The following C19orf47 variants were observed in gnomAD, a reference collection of about 807,000 sequenced individuals.
The protein encoded by C19orf47 is chromosome 19 open reading frame 47.
Under a neutral mutation model 32.3 loss-of-function variants are expected in C19orf47, and 18 were observed. That is an observed-to-expected ratio of 0.56 (90% confidence interval 0.39 to 0.83). The LOEUF is 0.83. C19orf47 is among the 40% of genes least tolerant of loss of function. C19orf47 has a pLI of 0.00. For synonymous variants in C19orf47, 202 were observed against 211.1 expected (o/e 0.96, Z 0.37); for missense variants, 484 against 531.6 (o/e 0.91, Z 0.88).
intron 5 of C19orf47, among the ~76,000 whole-genome samples, chr19:40,329,930 A>G (rs2077914291): frequency 6.6e-6 from 1 of 152,220 alleles, no homozygotes; most frequent in Non-Finnish European, 1.5e-5. Context: ...GGAAATCTGC[A>G]GCTGAAAAGA....
chr19:40,303,517 CA>C, the C19orf47 span, among the ~76,000 whole-genome samples: 1,955 of 97,914 alleles, frequency 0.02, 55 homozygotes, highest in African/African-American at 0.068. Flanking sequence ...GCGAGACTCT[CA>C]AAAAAAAAAA....
At chr19:40,333,747 T>C in intron 5 of C19orf47, 104 bp downstream of exon 5, 1 of 951,478 alleles carries the variant, frequency 1.1e-6, no homozygotes, top group Non-Finnish European at 1.5e-6. Flanking sequence ...TGGCTTTGTT[T>C]CTACCTTTGA....
chr19:40,296,191 A>G, the C19orf47 span, among the ~76,000 whole-genome samples: 1 of 152,236 alleles, frequency 6.6e-6, no homozygotes, highest in Non-Finnish European at 1.5e-5. Flanking sequence ...CTATATACCT[A>G]GGCTATAAGT....
In C19orf47 at chr19:40,324,018, C is replaced by A; in HGVS notation, c.651G>T (p.Thr217=). ...CATCCCCACTCACTTTACTCCCTGT[C>A]GTGGTGTCTGCCTTGGTCTCGGCGC... is the stretch of plus-strand genomic sequence containing the variant. The part of the protein sequence containing the change: ...RLGAETKADT[T]TGSKPTGVFS... The change falls in exon 8 of 9, where the codon ACG becomes ACT. Residue 217 remains threonine, a synonymous_variant. Transcript: ENST00000683109. 6.2e-7 allele frequency: 1 copy of A among 1,614,248 alleles called. No individual in the cohort carries two copies. The highest frequency in any genetic ancestry group is 1.1e-5 in the South Asian group (1 of 91,090).
Position 40,337,288 on chromosome 19 carries a change from AATT to A in C19orf47, c.20-884_20-882del, listed in dbSNP as rs57061818. Among the ~76,000 whole-genome samples, 1,116 of 143,200 alleles carry A rather than the reference AATT, an allele frequency of 7.8e-3. 8 individuals are homozygous for A. Among genetic ancestry groups the A allele is most frequent in the East Asian group, 0.026 (129 of 4,890 alleles). 93.9% of individuals were successfully genotyped at this position (143,200 alleles called of 152,430 possible). A position where few individuals can be genotyped will look rare whatever the true frequency, so the allele number is the denominator to read the frequency against. ...GAGGACATCCTCAAACCATGACAGC[AATT>A]ATTATTATTATTATTATTATTATTA... On this transcript the variant is annotated intron_variant, in intron 2 of 8. Transcript: ENST00000683109.
rs777871807 is a variant in C19orf47 at position 40,321,631 on chromosome 19, C to T, written c.*251G>A. The stretch of plus-strand genomic sequence containing the variant: ...GTAGAAAAGTGGGTTCTGCCAAGGC[C>T]ACAGCCAGAGAAGAAAGCACAGAGG... On this transcript the variant is annotated 3_prime_UTR_variant, in exon 9 of 9. Coordinates refer to ENST00000683109, the MANE Select transcript of C19orf47 (RefSeq NM_001256441.2). 1.8e-5 allele frequency: 24 copies of T among 1,303,390 alleles called. No individual in the cohort carries two copies. The highest frequency in any genetic ancestry group is 1.5e-4 in the Admixed American group (4 of 26,736). 80.7% of individuals were successfully genotyped at this position (1,303,390 alleles called of 1,614,324 possible). A position where few individuals can be genotyped will look rare whatever the true frequency, so the allele number is the denominator to read the frequency against.
At position 40,321,210 on chromosome 19, in the gene C19orf47, C is replaced by T; in HGVS notation, c.*672G>A. ...AAAACGGATGCGCCTCAGCCGCAGC[C>T]CAGGGTCTGGAGAGGTCCCTCCAGC... On this transcript the variant is annotated 3_prime_UTR_variant, in exon 9 of 9. Coordinates refer to ENST00000683109, the MANE Select transcript of C19orf47 (RefSeq NM_001256441.2). 1 of 984,870 alleles carries T rather than the reference C, an allele frequency of 1.0e-6. No homozygotes were observed. The highest frequency in any genetic ancestry group is 1.2e-6 in the Non-Finnish European group (1 of 828,112). 61.0% of individuals were successfully genotyped at this position (984,870 alleles called of 1,614,324 possible). A position where few individuals can be genotyped will look rare whatever the true frequency, so the allele number is the denominator to read the frequency against.
At position 40,320,626 on chromosome 19, in the gene C19orf47, G is replaced by A. The variant is rs2077702653; in HGVS notation, c.*1256C>T. The A allele has an allele frequency of 6.5e-6, 1 of 154,552 alleles. No individual in the cohort carries two copies. The highest frequency in any genetic ancestry group is 1.5e-5 in the Non-Finnish European group (1 of 68,602). 9.6% of individuals were successfully genotyped at this position (154,552 alleles called of 1,614,324 possible). The stretch of plus-strand genomic sequence containing the variant: ...CTTTCTCCCACTCCTCAGATTCCTT[G>A]GCCAGCACCACCGCTTTACCTACAC... On this transcript the variant is annotated 3_prime_UTR_variant, in exon 9 of 9. Transcript: ENST00000683109.
In C19orf47 at chr19:40,322,103, C is replaced by A. The variant is rs1158587660; in HGVS notation, c.937G>T (p.Val313Phe). ...GCGCCCAGTCTCTTGATGATGCTGA[C>A]TTTAGACAAGGACTCCGGCTTCCTC... Reference protein sequence around the residue: ...LERKPESLSKVSIIKRLGAAA... With the variant: ...LERKPESLSKFSIIKRLGAAA... The change falls in exon 9 of 9, where the codon GTC becomes TTC. Residue 313 changes from valine to phenylalanine, a missense_variant. By Grantham distance (50) the Val-to-Phe change is conservative. Coordinates refer to ENST00000683109, the MANE Select transcript of C19orf47 (RefSeq NM_001256441.2). 2 of 1,614,204 alleles carry A rather than the reference C, an allele frequency of 1.2e-6. No homozygotes were observed. The highest frequency in any genetic ancestry group is 1.7e-6 in the Non-Finnish European group (2 of 1,180,038).
intron 4 of C19orf47, chr19:40,334,693 A>G (rs1478219253): frequency 1.3e-5 from 2 of 152,174 alleles, no homozygotes; most frequent in Non-Finnish European, 2.9e-5. Context: ...GACTGCAGTG[A>G]GCCAAGACAG....
At chr19:40,306,624 A>C in the C19orf47 span, among the ~76,000 whole-genome samples, 1 of 151,862 alleles carries the variant, frequency 6.6e-6, no homozygotes, top group African/African-American at 2.4e-5. Flanking sequence ...GCTGGTCTTG[A>C]ACTCCTGACC....
intron 5 of C19orf47, 32 bp from the exon 6 acceptor site, chr19:40,328,582 G>A: frequency 2.5e-6 from 4 of 1,580,340 alleles, no homozygotes; most frequent in African/African-American, 1.4e-5. Context: ...CCGGTCGGGT[G>A]GGGTCCTGGA....
At chr19:40,338,101 G>A (rs2078100947) in intron 2 of C19orf47, among the ~76,000 whole-genome samples, 1 of 151,822 alleles carries the variant, frequency 6.6e-6, no homozygotes, top group Non-Finnish European at 1.5e-5. Context: ...TTGAGACAGG[G>A]TCTCCCTCTG....
chr19:40,346,834 A>C (rs1455461909), intron 1 of C19orf47, among the ~76,000 whole-genome samples: 1 of 152,110 alleles, frequency 6.6e-6, no homozygotes, highest in Non-Finnish European at 1.5e-5. Context: ...CCAAGGACCC[A>C]TTCTTAAAGG....
At chr19:40,297,532 C>A in the C19orf47 span, among the ~76,000 whole-genome samples, 17 of 152,104 alleles carry the variant, frequency 1.1e-4, no homozygotes, top group Admixed American at 1.1e-3. Flanking sequence ...GAAAACCTGT[C>A]TTTACTAAAA....
At chr19:40,317,247 G>A (rs2077668273), downstream of C19orf47, among the ~76,000 whole-genome samples, 1 of 152,006 alleles carries the variant, frequency 6.6e-6, no homozygotes, top group South Asian at 2.1e-4. Flanking sequence ...AAGTAGCTGG[G>A]AATACAGGCA....
chr19:40,304,294 G>A, the C19orf47 span, among the ~76,000 whole-genome samples: 10 of 152,284 alleles, frequency 6.6e-5, no homozygotes, highest in African/African-American at 2.2e-4. Context: ...TACTTCAAAT[G>A]GAGGGAACCT....
chr19:40,323,922 T>A, intron 8 of C19orf47, 84 bp downstream of exon 8: 1 of 1,535,444 alleles, frequency 6.5e-7, no homozygotes, highest in Non-Finnish European at 9.0e-7. Context: ...CCGAGTGAGG[T>A]TGAGATGTGT....
chr19:40,302,237 A>G, the C19orf47 span, among the ~76,000 whole-genome samples: 2 of 152,178 alleles, frequency 1.3e-5, no homozygotes, highest in Non-Finnish European at 2.9e-5. Flanking sequence ...GCCAAGTTTA[A>G]TAAGAGACCA....
Sources: gnomAD v4.1 joint callset for allele counts (sites outside exome capture counted in the v4.1 genomes callset) on GRCh38, gnomAD v4.1.1 for gene constraint, MANE v1.5 for transcripts, NCBI Gene and HGNC (gene_info 2026-07-23, HGNC 2026-07-21) for gene names.